SRR: variants seen among roughly 807,000 people sequenced by gnomAD.
SRR encodes serine racemase, also known as D-serine ammonia-lyase.
In SRR, 19 loss-of-function variants were observed where a neutral mutation model predicts 32.7. The observed-to-expected ratio is 0.58, with a 90% CI of 0.40 to 0.85. The LOEUF (loss-of-function observed/expected upper bound fraction) is 0.85. SRR is among the 40% of genes least tolerant of loss of function. The pLI, the probability that SRR is intolerant of heterozygous loss-of-function variation, is 0.00. For synonymous variants in SRR, 142 were observed against 140.9 expected (o/e 1.01, Z -0.06); for missense variants, 373 against 404.7 (o/e 0.92, Z 0.67).
At chr17:2,321,792 T>C (rs1003360404) in intron 6 of SRR, among the ~76,000 whole-genome samples, 176 bp downstream of exon 6, 4 of 152,206 alleles carry the variant, frequency 2.6e-5, no homozygotes, top group African/African-American at 4.8e-5. Context: ...ATTATTATTA[T>C]TTTTTGAGAC....
chr17:2,311,883 C>T (rs2075436045), intron 1 of SRR, among the ~76,000 whole-genome samples: 1 of 151,998 alleles, frequency 6.6e-6, no homozygotes, highest in Non-Finnish European at 1.5e-5. Flanking sequence ...ATAAATAGAG[C>T]ATTTCAGAGG....
In SRR at chr17:2,321,310, G is replaced by A; in HGVS notation, c.404G>A (p.Arg135Lys). The change falls in exon 5 of 8, where the codon AGA becomes AAA. Residue 135 changes from arginine (R) to lysine (K), a missense_variant. Physicochemically the swap from Arg to Lys is conservative, Grantham distance 26. Transcript: ENST00000344595. ...IVYCEPSDES[R>K]ENVAKRVTEE... Reference sequence around the variant, plus strand: ...GCTAAATTAATGTACTTTCAGTCCAGAGAAAATGTTGCAAAAAGAGTTACA... The same window carrying A: ...GCTAAATTAATGTACTTTCAGTCCAAAGAAAATGTTGCAAAAAGAGTTACA... 1 of 1,613,736 alleles carries A rather than the reference G, an allele frequency of 6.2e-7. No homozygotes were observed. The highest frequency in any genetic ancestry group is 8.5e-7 in the Non-Finnish European group (1 of 1,179,920).
intron 4 of SRR, 93 bp downstream of exon 4, chr17:2,319,022 GTGGTTTCCCCTTTA>G: frequency 2.4e-6 from 2 of 833,802 alleles, no homozygotes; most frequent in South Asian, 3.0e-5. Flanking sequence ...AGCCTCCTTT[GTGGTTTCCCCTTTA>G]TTTCTGTTAG....
chr17:2,316,444 T>C (rs1044183241), intron 2 of SRR, among the ~76,000 whole-genome samples: 3 of 152,224 alleles, frequency 2.0e-5, no homozygotes, highest in African/African-American at 7.2e-5. Flanking sequence ...CCTGAACTGT[T>C]GCAGGCAAAT....
intron 5 of SRR, 51 bp downstream of exon 5, chr17:2,321,476 A>G: frequency 3.1e-6 from 5 of 1,612,802 alleles, no homozygotes; most frequent in Non-Finnish European, 4.2e-6. Context: ...CTGTTGGGCT[A>G]TATTCAATTA....
chr17:2,323,084 G>A (rs2075547061), intron 6 of SRR, 52 bp from the exon 7 acceptor site: 2 of 1,569,582 alleles, frequency 1.3e-6, no homozygotes, highest in South Asian at 2.2e-5. Context: ...TTTTAGACAT[G>A]CAGGCAATGT....
At chr17:2,323,535 G>T in intron 7 of SRR, 120 bp from the exon 8 acceptor site, 1 of 1,203,962 alleles carries the variant, frequency 8.3e-7, no homozygotes, top group African/African-American at 1.5e-5. Context: ...AAAAGCTTTG[G>T]GAAGCGTGTG....
intron 1 of SRR, chr17:2,306,736 C>T (rs1474666075): frequency 1.7e-6 from 1 of 577,410 alleles, no homozygotes; most frequent in African/African-American, 1.9e-5. Context: ...ACAAAACAAA[C>T]ACTTTCCACC....
Position 2,323,606 on chromosome 17 carries a change from C to A in SRR, c.805-49C>A, listed in dbSNP as rs746947026. ...TTCTCATCTGAACTTTATAGGTAAA[C>A]CAACTAGACTCCCCTTTCACTAATT... On this transcript the variant is annotated intron_variant, in intron 7 of 7. Coordinates refer to ENST00000344595, the MANE Select transcript of SRR (RefSeq NM_021947.3). 1.3e-5 allele frequency: 20 copies of A among 1,586,148 alleles called. No individual in the cohort carries two copies. In the African/African-American group the frequency reaches 2.4e-4, roughly 19 times the overall value.
chr17:2,312,385 G>A (rs919192829), intron 1 of SRR, among the ~76,000 whole-genome samples: 1 of 152,086 alleles, frequency 6.6e-6, no homozygotes, highest in Non-Finnish European at 1.5e-5. Flanking sequence ...CACGAAGTCA[G>A]GAGATCGAGA....
rs185878953 is a variant in SRR, at chr17:2,307,113, A to G, written c.-5+3096A>G. ...GTGGCATTAACGAAGACACTGAAGA[A>G]TATCACCTAAGTGATTATTTTGAAC... On this transcript the variant is annotated intron_variant, in intron 1 of 7. Transcript: ENST00000344595. 82 of 1,123,950 alleles carry G rather than the reference A, an allele frequency of 7.3e-5. No homozygotes were observed. The East Asian group carries it at 1.9e-3, about 26-fold the overall frequency. 69.6% of individuals were successfully genotyped at this position (1,123,950 alleles called of 1,614,324 possible).
intron 2 of SRR, among the ~76,000 whole-genome samples, chr17:2,317,066 G>A (rs1567777204): frequency 6.6e-6 from 1 of 151,018 alleles, no homozygotes; most frequent in Non-Finnish European, 1.5e-5. Context: ...AGCGGGACTT[G>A]GTGCCAGGCA....
chr17:2,308,144 A>G (rs1487620983), intron 1 of SRR, among the ~76,000 whole-genome samples: 1 of 152,044 alleles, frequency 6.6e-6, no homozygotes, highest in African/African-American at 2.4e-5. Context: ...AGAAATTATA[A>G]TAATGAAAAT....
Position 2,323,236 on chromosome 17 carries a change from C to T in SRR, c.695C>T (p.Pro232Leu). 2 of 1,614,228 alleles carry T rather than the reference C, an allele frequency of 1.2e-6. No individual in the cohort carries two copies. Among genetic ancestry groups the T allele is most frequent in the South Asian group, 1.1e-5 (1 of 91,088 alleles). ...GGGAAACTGATGCCCAATCTTTATC[C>T]TCCAGAAACCATAGCAGATGGTGTC... is the stretch of plus-strand genomic sequence containing the variant. ...LKGKLMPNLY[P>L]PETIADGVKS... Residue 232 changes from proline (P) to leucine (L), a missense_variant, in exon 7 of 8, where the codon CCT (proline) becomes CTT (leucine). Pro to Leu is a moderately conservative substitution (Grantham distance 98). Transcript: ENST00000344595.
At chr17:2,318,076 A>G (rs1367897516) in intron 3 of SRR, 80 bp downstream of exon 3, 1 of 1,397,276 alleles carries the variant, frequency 7.2e-7, no homozygotes, top group Admixed American at 2.4e-5. Flanking sequence ...GAGTGATGAT[A>G]GCTGTGGGAA....
chr17:2,307,093 A>T, intron 1 of SRR: 1 of 1,118,430 alleles, frequency 8.9e-7, no homozygotes, highest in South Asian at 1.2e-5. Flanking sequence ...TGTTGGTGGC[A>T]TTAACGAAGA....
intron 1 of SRR, chr17:2,307,553 C>T: frequency 1.8e-6 from 2 of 1,139,516 alleles, no homozygotes; most frequent in South Asian, 1.2e-5. Flanking sequence ...TTGGCAATTA[C>T]AACAATTAGT....
intron 1 of SRR, among the ~76,000 whole-genome samples, chr17:2,314,697 G>A (rs1401387605): frequency 1.3e-5 from 2 of 151,202 alleles, no homozygotes; most frequent in African/African-American, 4.9e-5. Context: ...AGGTTGTGGT[G>A]AGCCAGGACT....
intron 1 of SRR, among the ~76,000 whole-genome samples, chr17:2,313,366 G>A (rs2075446714): frequency 6.6e-6 from 1 of 150,970 alleles, no homozygotes; most frequent in Non-Finnish European, 1.5e-5. Flanking sequence ...GGAGGCAGAG[G>A]TTGCAGTGAG....
Sources: allele counts gnomAD v4.1 joint callset (sites outside exome capture counted in the v4.1 genomes callset), GRCh38; gene constraint gnomAD v4.1.1; transcripts MANE v1.5; gene names NCBI Gene and HGNC (gene_info 2026-07-23, HGNC 2026-07-21).